TRIM24: variants seen among roughly 807,000 people sequenced by gnomAD.
TRIM24 encodes the protein transcription intermediary factor 1-alpha.
Under a neutral mutation model 123.9 loss-of-function variants are expected in TRIM24, and 29 were observed. The observed-to-expected ratio is 0.23, with a 90% CI of 0.17 to 0.32. TRIM24 has a LOEUF of 0.32. TRIM24 is among the 10% of genes least tolerant of loss of function. TRIM24 has a pLI of 1.00. For missense variants in TRIM24, 932 were observed against 1,295.3 expected, an observed-to-expected ratio of 0.72 and a Z score of 4.31; for synonymous variants, 456 against 461.1, an observed-to-expected ratio of 0.99 and a Z score of 0.14.
intron 10 of TRIM24, 47 bp downstream of exon 10, chr7:138,567,701 A>G: frequency 6.6e-7 from 1 of 1,504,020 alleles, no homozygotes; most frequent in East Asian, 2.4e-5. Flanking sequence ...GCTGCTTTCT[A>G]CTTTCAAATC....
chr7:138,482,454 T>C (rs1428402633), intron 1 of TRIM24, among the ~76,000 whole-genome samples: 4 of 152,130 alleles, frequency 2.6e-5, no homozygotes, highest in African/African-American at 9.7e-5. Flanking sequence ...GAGAATATTA[T>C]TATGCTTCTT....
intron 2 of TRIM24, among the ~76,000 whole-genome samples, chr7:138,508,692 T>TGTGTGTGTGCGCGCGCGCGCGC (rs1422176564): frequency 8.0e-5 from 11 of 137,214 alleles, no homozygotes; most frequent in African/African-American, 3.0e-4. Flanking sequence ...TGTGTGTGTG[T>TGTGTGTGTGCGCGCGCGCGCGC]GCGCGCGCGT....
intron 5 of TRIM24, among the ~76,000 whole-genome samples, chr7:138,527,556 T>G (rs1001124709): frequency 6.6e-6 from 1 of 152,202 alleles, no homozygotes; most frequent in Admixed American, 6.5e-5. Context: ...CTGGTTCCCT[T>G]GATCCTGTAG....
intron 1 of TRIM24, among the ~76,000 whole-genome samples, chr7:138,500,290 TG>T (rs1399067203): frequency 6.6e-6 from 1 of 152,086 alleles, no homozygotes; most frequent in Admixed American, 6.6e-5. Flanking sequence ...CCAGGTATGA[TG>T]GGTTATGCTT....
intron 1 of TRIM24, among the ~76,000 whole-genome samples, chr7:138,502,821 T>A (rs1348241296): frequency 6.6e-6 from 1 of 152,218 alleles, no homozygotes; most frequent in African/African-American, 2.4e-5. Flanking sequence ...TCTCATTTTG[T>A]TCATGGTAAT....
At chr7:138,557,882 A>G (rs2353353) in intron 9 of TRIM24, among the ~76,000 whole-genome samples, 83,522 of 152,124 alleles carry the variant, frequency 0.55, 24,590 homozygotes, top group African/African-American at 0.71. Flanking sequence ...ATGTAAATAG[A>G]GGTACAGTAT....
intron 7 of TRIM24, among the ~76,000 whole-genome samples, chr7:138,550,674 A>C (rs1478224393): frequency 6.6e-6 from 1 of 152,180 alleles, no homozygotes; most frequent in African/African-American, 2.4e-5. Flanking sequence ...CATTTCCTAA[A>C]CAGACGAATT....
In TRIM24 at chr7:138,584,890, A is replaced by C; in HGVS notation, c.3092A>C (p.Asp1031Ala). 1 of 1,613,862 alleles carries C rather than the reference A, an allele frequency of 6.2e-7. No homozygotes were observed. The highest frequency in any genetic ancestry group is 8.5e-7 in the Non-Finnish European group (1 of 1,179,868). ...AAATTTAGTGATGATTCAGATGATG[A>C]CTTTGTACAGCCCCGGAAGAAACGC... is the stretch of plus-strand genomic sequence containing the variant. ...DNKFSDDSDDDFVQPRKKRLK... is the reference protein window; with the variant it reads ...DNKFSDDSDDAFVQPRKKRLK... Residue 1031 changes from aspartate (D) to alanine (A), a missense_variant, in exon 19 of 19, where the codon GAC becomes GCC. Around this residue, in one of 7 missense-constraint regions of TRIM24, gnomAD observed 104 missense variants for 121.5 expected, o/e 0.86. Coordinates refer to ENST00000343526, the MANE Select transcript of TRIM24 (RefSeq NM_015905.3).
At position 138,460,592 on chromosome 7, in the gene TRIM24, C is replaced by T. The variant is rs779872897; in HGVS notation, c.44C>T (p.Ala15Val). Reference sequence around the variant, plus strand: ...AAGGCGGTGGCGGCGGCGGCAGCGGCCTCGGCTGCGGCCTCCGGGGGGCCC... The same window carrying T: ...AAGGCGGTGGCGGCGGCGGCAGCGGTCTCGGCTGCGGCCTCCGGGGGGCCC... ...VEKAVAAAAAASAAASGGPSA... is the reference protein window; with the variant it reads ...VEKAVAAAAAVSAAASGGPSA... Residue 15 changes from alanine to valine, a missense_variant, in exon 1 of 19, where the codon GCC (alanine) becomes GTC (valine). By Grantham distance (64) the Ala-to-Val change is moderately conservative. This residue lies in a region of TRIM24 where 164 missense variants were observed against 181.9 expected (regional missense o/e 0.90). Coordinates refer to ENST00000343526, the MANE Select transcript of TRIM24 (RefSeq NM_015905.3). 1,104 of 1,325,538 alleles carry T rather than the reference C, an allele frequency of 8.3e-4. No individual in the cohort carries two copies. The highest frequency in any genetic ancestry group is 1.0e-3 in the Non-Finnish European group (1,072 of 1,048,130). The allele number at this position is 1,325,538 out of a possible 1,614,324, so 82.1% of individuals were successfully genotyped here.
chr7:138,574,851 A>G (rs1488813985), intron 12 of TRIM24, among the ~76,000 whole-genome samples: 1 of 152,162 alleles, frequency 6.6e-6, no homozygotes, highest in African/African-American at 2.4e-5. Context: ...AAATGTATGT[A>G]CCCTTGAACC....
intron 1 of TRIM24, among the ~76,000 whole-genome samples, chr7:138,481,619 A>G (rs963642164): frequency 6.6e-6 from 1 of 152,054 alleles, no homozygotes; most frequent in South Asian, 2.1e-4. Flanking sequence ...TGTGGGCAAC[A>G]TAGGGAGACC....
rs1798046922 is a variant in TRIM24, at chr7:138,587,970, T to G, written c.*3019T>G. The G allele has an allele frequency of 6.6e-6, 1 of 152,164 alleles. No individual in the cohort carries two copies. The highest frequency in any genetic ancestry group is 2.1e-4 in the South Asian group (1 of 4,826). 9.4% of individuals were successfully genotyped at this position (152,164 alleles called of 1,614,324 possible). Reference sequence around the variant, plus strand: ...TGCTTGTCTTTTCTGAATGGAAGGGTAGGAAAGTGGAAGGTACTAAAAAGG... The same window carrying G: ...TGCTTGTCTTTTCTGAATGGAAGGGGAGGAAAGTGGAAGGTACTAAAAAGG... On this transcript the variant is annotated 3_prime_UTR_variant, in exon 19 of 19. Transcript: ENST00000343526.
At position 138,589,687 on chromosome 7, in the gene TRIM24, C is replaced by A. The variant is rs1798073185; in HGVS notation, c.*4736C>A. On this transcript the variant is annotated 3_prime_UTR_variant, in exon 19 of 19. Transcript: ENST00000343526. Reference sequence around the variant, plus strand: ...CCCAAAGTAGGAGGACCAAAGATGCCATGAAGACTTCTAGTTGTCTGGAAG... The same window carrying A: ...CCCAAAGTAGGAGGACCAAAGATGCAATGAAGACTTCTAGTTGTCTGGAAG... The A allele has an allele frequency of 6.6e-6, 1 of 152,120 alleles. No homozygotes were observed. The highest frequency in any genetic ancestry group is 1.5e-5 in the Non-Finnish European group (1 of 68,020). 9.4% of individuals were successfully genotyped at this position (152,120 alleles called of 1,614,324 possible). A position where few individuals can be genotyped will look rare whatever the true frequency, so the allele number is the denominator to read the frequency against.
rs1796581634 is a variant in TRIM24 at position 138,525,123 on chromosome 7, TA to T, written c.765-114del. 13 of 482,720 alleles carry T rather than the reference TA, an allele frequency of 2.7e-5. No individual in the cohort carries two copies. In the East Asian group the frequency reaches 4.9e-4, roughly 18 times the overall value. The allele number at this position is 482,720 out of a possible 1,614,324, so 29.9% of individuals were successfully genotyped here. A position where few individuals can be genotyped will look rare whatever the true frequency, so the allele number is the denominator to read the frequency against. ...CTTATTAGGGATACGTTTGATGTTT[TA>T]AAAGATTATTATATAAATTCTTTAT... On this transcript the variant is annotated intron_variant, in intron 4 of 18. Coordinates refer to ENST00000343526, the MANE Select transcript of TRIM24 (RefSeq NM_015905.3).
chr7:138,529,260 G>A, intron 6 of TRIM24, 30 bp downstream of exon 6: 1 of 1,129,294 alleles, frequency 8.9e-7, no homozygotes, highest in Non-Finnish European at 1.2e-6. Context: ...ATAGTATATT[G>A]ATTCAACATA....
At chr7:138,508,678 T>TGCGCGCGCGCGCGCGCGCGC (rs1554436586) in intron 2 of TRIM24, among the ~76,000 whole-genome samples, 63 of 51,270 alleles carry the variant, frequency 1.2e-3, no homozygotes, top group African/African-American at 4.5e-3. Flanking sequence ...TGTGTGTGTG[T>TGCGCGCGCGCGCGCGCGCGC]GTGTGTGTGT....
intron 1 of TRIM24, among the ~76,000 whole-genome samples, chr7:138,466,463 C>CTTTGTTTTTTTTTTTT (rs1795141210): frequency 1.4e-5 from 1 of 74,064 alleles, no homozygotes; most frequent in Non-Finnish European, 2.4e-5. Context: ...ACTTAAGTTG[C>CTTTGTTTTTTTTTTTT]TTTTTTTTTT....
chr7:138,529,072 A>T, intron 5 of TRIM24, 44 bp from the exon 6 acceptor site: 11 of 1,224,062 alleles, frequency 9.0e-6, no homozygotes, highest in Non-Finnish European at 9.1e-6. Context: ...TTTAAATATT[A>T]TACAAAAAAA....
rs1193007090 is a variant in TRIM24, at chr7:138,553,637, A to G, written c.1262-1061A>G. On this transcript the variant is annotated intron_variant, in intron 8 of 18. Coordinates refer to ENST00000343526, the MANE Select transcript of TRIM24 (RefSeq NM_015905.3). ...TTAACATAGTATGCATTGTAAAGGT[A>G]TAGGAAACTTGAGAGATCACAACTT... Among the ~76,000 whole-genome samples, 5 of 152,218 alleles carry G rather than the reference A, an allele frequency of 3.3e-5. No homozygotes were observed. The South Asian group carries it at 8.3e-4, about 25-fold the overall frequency.
Sources: allele counts gnomAD v4.1 joint callset (sites outside exome capture counted in the v4.1 genomes callset), GRCh38; gene constraint gnomAD v4.1.1; regional missense constraint gnomAD v4.1.1; transcripts MANE v1.5; gene names NCBI Gene and HGNC (gene_info 2026-07-23, HGNC 2026-07-21).